Variants in CFAP54 observed in about 807,000 individuals in gnomAD.
CFAP54 encodes cilia and flagella associated protein 54.
Under a neutral mutation model 370.4 loss-of-function variants are expected in CFAP54, and 290 were observed. The ratio of observed to expected loss-of-function variants is 0.78; its 90% CI spans 0.71 to 0.86. The LOEUF (loss-of-function observed/expected upper bound fraction) is 0.86, where lower values mean the gene tolerates loss of function less well. Among genes scored for constraint, CFAP54 ranks in the 40% least tolerant of loss-of-function variants. The pLI is 0.00. For synonymous variants in CFAP54, 1,206 were observed against 1,236.5 expected, an observed-to-expected ratio of 0.98 and a Z score of 0.52; for missense variants, 3,399 against 3,528.7, an observed-to-expected ratio of 0.96 and a Z score of 0.93.
intron 50 of CFAP54, among the ~76,000 whole-genome samples, chr12:96,733,070 T>C (rs1957939778): frequency 2.0e-5 from 3 of 152,208 alleles, no homozygotes; most frequent in African/African-American, 7.2e-5. Flanking sequence ...AATAGAACTT[T>C]AATTTGAAAA....
At chr12:96,716,067 T>C (rs996835387) in intron 48 of CFAP54, among the ~76,000 whole-genome samples, 4 of 152,188 alleles carry the variant, frequency 2.6e-5, no homozygotes, top group Non-Finnish European at 5.9e-5. Context: ...CTGATTTTAG[T>C]TGATTTTAAT....
chr12:96,798,230 G>A (rs1348616430), intron 63 of CFAP54, among the ~76,000 whole-genome samples: 1 of 151,752 alleles, frequency 6.6e-6, no homozygotes, highest in East Asian at 1.9e-4. Context: ...TTGCATTTTA[G>A]ACGTTTCTTC....
intron 9 of CFAP54, among the ~76,000 whole-genome samples, chr12:96,532,967 A>G (rs1955456776): frequency 1.3e-5 from 2 of 151,990 alleles, no homozygotes; most frequent in South Asian, 4.1e-4. Context: ...TCTTCTTGGT[A>G]CAGCCAGATT....
intron 66 of CFAP54, among the ~76,000 whole-genome samples, chr12:96,855,632 C>T (rs1181000950): frequency 6.6e-6 from 1 of 152,228 alleles, no homozygotes; most frequent in Non-Finnish European, 1.5e-5. Flanking sequence ...CCATGTCACA[C>T]ACCCAGGGCT....
intron 67 of CFAP54, among the ~76,000 whole-genome samples, chr12:96,869,985 C>A (rs559139279): frequency 6.6e-6 from 1 of 150,668 alleles, no homozygotes; most frequent in Non-Finnish European, 1.5e-5. Context: ...ACATTTAGGC[C>A]GGGCATGGTG....
chr12:96,687,981 G>A lies in CFAP54; in HGVS notation c.6015-935G>A, dbSNP rs975912505. 2.6e-5 allele frequency among the ~76,000 whole-genome samples: 4 copies of A among 152,124 alleles called. No homozygotes were observed. In the East Asian group the frequency reaches 7.7e-4, roughly 29 times the overall value. On this transcript the variant is annotated intron_variant, in intron 42 of 67. Coordinates refer to ENST00000524981, the MANE Select transcript of CFAP54 (RefSeq NM_001306084.2). The stretch of plus-strand genomic sequence containing the variant: ...ACTGCCATAGGAGATGTCATTCTAC[G>A]GGGGCTTTGGCTGTTTTCCTAGACT...
At chr12:96,771,381 A>G (rs117004688) in intron 60 of CFAP54, among the ~76,000 whole-genome samples, 3,907 of 152,330 alleles carry the variant, frequency 0.026, 86 homozygotes, top group Non-Finnish European at 0.043. Flanking sequence ...TCCCGGAAGC[A>G]GTGGCTCACG....
intron 50 of CFAP54, among the ~76,000 whole-genome samples, chr12:96,728,416 T>TTTCA (rs1413433871): frequency 4.6e-5 from 7 of 152,204 alleles, no homozygotes; most frequent in Non-Finnish European, 8.8e-5. Context: ...TCTCGCTTCA[T>TTTCA]TTCATTCATT....
intron 58 of CFAP54, among the ~76,000 whole-genome samples, chr12:96,760,385 T>G (rs546057153): frequency 6.6e-6 from 1 of 152,334 alleles, no homozygotes; most frequent in East Asian, 1.9e-4. Context: ...TATCCAGTTT[T>G]AGAACATTTT....
intron 60 of CFAP54, among the ~76,000 whole-genome samples, chr12:96,783,478 T>G (rs756571046): frequency 6.6e-6 from 1 of 152,258 alleles, no homozygotes; most frequent in Non-Finnish European, 1.5e-5. Context: ...AATAATCATA[T>G]TGTTTTCAAA....
At chr12:96,647,370 G>C (rs1192924992) in intron 33 of CFAP54, among the ~76,000 whole-genome samples, 3 of 148,242 alleles carry the variant, frequency 2.0e-5, no homozygotes, top group East Asian at 2.0e-4. Context: ...CTACTCTGGA[G>C]TCTGAGGCAG....
chr12:96,616,679 T>A (rs958396904), intron 26 of CFAP54, among the ~76,000 whole-genome samples: 3 of 152,188 alleles, frequency 2.0e-5, no homozygotes, highest in African/African-American at 4.8e-5. Context: ...TTAGAAAATA[T>A]GGAATAATTT....
At position 96,649,871 on chromosome 12, in the gene CFAP54, A is replaced by G. The variant is rs781580574; in HGVS notation, c.4691-20A>G. The G allele has an allele frequency of 5.3e-6, 8 of 1,513,422 alleles. No individual in the cohort carries two copies. Among genetic ancestry groups the G allele is most frequent in the Non-Finnish European group, 6.3e-6 (7 of 1,108,232 alleles). The allele number at this position is 1,513,422 out of a possible 1,614,324, so 93.7% of individuals were successfully genotyped here. A position where few individuals can be genotyped will look rare whatever the true frequency, so the allele number is the denominator to read the frequency against. ...AATTCTATGTTTTTAATCATGTCAT[A>G]TCTTATTTTTGTACTGTAGATGCTG... On this transcript the variant is annotated intron_variant, in intron 34 of 67. Coordinates refer to ENST00000524981, the MANE Select transcript of CFAP54 (RefSeq NM_001306084.2).
chr12:96,753,962 A>G (rs1203357223), intron 56 of CFAP54, 64 bp downstream of exon 56: 3 of 1,529,690 alleles, frequency 2.0e-6, no homozygotes, highest in Middle Eastern at 1.7e-4. Context: ...TGTCAACAAC[A>G]GGATTCTTGA....
chr12:96,521,728 G>A (rs561841826), intron 6 of CFAP54, 129 bp from the exon 7 acceptor site: 7 of 594,398 alleles, frequency 1.2e-5, no homozygotes, highest in Non-Finnish European at 2.0e-5. Flanking sequence ...CTGGATAAAA[G>A]GAGTCAGCAT....
At chr12:96,699,731 A>G (rs1471620652) in intron 45 of CFAP54, among the ~76,000 whole-genome samples, 1 of 152,152 alleles carries the variant, frequency 6.6e-6, no homozygotes, top group East Asian at 1.9e-4. Flanking sequence ...ATAAATGTCC[A>G]TTGTTTTGAA....
intron 62 of CFAP54, among the ~76,000 whole-genome samples, chr12:96,791,293 A>C (rs1283213776): frequency 6.7e-6 from 1 of 150,370 alleles, no homozygotes; most frequent in African/African-American, 2.4e-5. Context: ...TTTAGACTTG[A>C]AATATTGTTT....
intron 30 of CFAP54, among the ~76,000 whole-genome samples, chr12:96,627,981 T>C (rs1334299896): frequency 6.6e-6 from 1 of 152,256 alleles, no homozygotes; most frequent in Non-Finnish European, 1.5e-5. Context: ...TGGATATGTT[T>C]AGATACATAA....
At chr12:96,632,682 A>G (rs1565921478) in intron 32 of CFAP54, among the ~76,000 whole-genome samples, 1 of 152,054 alleles carries the variant, frequency 6.6e-6, no homozygotes, top group South Asian at 2.1e-4. Flanking sequence ...TTTCTCCAGA[A>G]TATTCTTTTC....
Sources: gnomAD v4.1 joint callset for allele counts (sites outside exome capture counted in the v4.1 genomes callset) on GRCh38, gnomAD v4.1.1 for gene constraint, MANE v1.5 for transcripts, NCBI Gene and HGNC (gene_info 2026-07-23, HGNC 2026-07-21) for gene names.